Variants in CATSPERD observed in about 807,000 individuals in gnomAD.
CATSPERD encodes catsper channel auxiliary subunit delta.
CATSPERD carries 86 observed loss-of-function variants against 98.1 expected under a neutral mutation model. The ratio of observed to expected loss-of-function variants is 0.88; its 90% CI spans 0.74 to 1.05. The LOEUF (loss-of-function observed/expected upper bound fraction) is 1.05. CATSPERD is among the 50% of genes least tolerant of loss of function. The pLI is 0.00. For missense variants in CATSPERD, 995 were observed against 1,005.7 expected, an observed-to-expected ratio of 0.99 and a Z score of 0.14; for synonymous variants, 394 against 390.2, an observed-to-expected ratio of 1.01 and a Z score of -0.12.
chr19:5,753,044 A>G (rs2056251127), intron 12 of CATSPERD, among the ~76,000 whole-genome samples: 1 of 148,622 alleles, frequency 6.7e-6, no homozygotes. Flanking sequence ...AAAAAAAAAA[A>G]GTAGATTTTG....
Position 5,759,235 on chromosome 19 carries a change from C to T in CATSPERD, c.1427+91C>T, listed in dbSNP as rs1433340617. ...GAGAAGCAGGTCTGAGATCAGACCC[C>T]CAGCTCCAGAACAGTAAAACAAGGC... On this transcript the variant is annotated intron_variant, in intron 15 of 21. Transcript: ENST00000381624. 7 of 1,173,402 alleles carry T rather than the reference C, an allele frequency of 6.0e-6. No individual in the cohort carries two copies. In the East Asian group the frequency reaches 1.4e-4, roughly 24 times the overall value. 72.7% of individuals were successfully genotyped at this position (1,173,402 alleles called of 1,614,324 possible). A position where few individuals can be genotyped will look rare whatever the true frequency, so the allele number is the denominator to read the frequency against.
chr19:5,776,980 C>T (rs1425112284), intron 21 of CATSPERD, among the ~76,000 whole-genome samples: 6 of 152,130 alleles, frequency 3.9e-5, no homozygotes, highest in Admixed American at 1.3e-4. Flanking sequence ...AATTGGCAGA[C>T]ACTACCCAGG....
rs768213227 is a variant in CATSPERD at position 5,727,318 on chromosome 19, C to A, written c.177C>A (p.Cys59Ter). 1.4e-5 allele frequency: 23 copies of A among 1,613,160 alleles called. No homozygotes were observed. Among genetic ancestry groups the A allele is most frequent in the Non-Finnish European group, 1.9e-5 (22 of 1,179,190 alleles). The change falls in exon 3 of 22, where the codon TGC (cysteine) becomes TGA (stop). Residue 59 changes from cysteine to a stop codon, truncating the protein, a stop_gained. Coordinates refer to ENST00000381624, the MANE Select transcript of CATSPERD (RefSeq NM_152784.4). LOFTEE classifies it high-confidence loss of function. ...CAACACGCTTGATTAAACATCCTTG[C>A]GAGAAAAATATAGCACTATATCTAG... is the stretch of plus-strand genomic sequence containing the variant. ...PTTTRLIKHPCEKNIALYLGK... is the reference protein window; with the variant it reads ...PTTTRLIKHP
chr19:5,745,016 C>T (rs1415239187), intron 8 of CATSPERD, among the ~76,000 whole-genome samples: 2 of 152,188 alleles, frequency 1.3e-5, no homozygotes, highest in South Asian at 2.1e-4. Context: ...AATCTGGGCT[C>T]ACTGCAACCT....
At chr19:5,763,120 A>G in intron 15 of CATSPERD, 95 bp from the exon 16 acceptor site, 1 of 877,580 alleles carries the variant, frequency 1.1e-6, no homozygotes, top group Admixed American at 1.9e-5. Flanking sequence ...GGATGGATGC[A>G]CGGATGACTG....
chr19:5,745,711 A>C (rs1409127057), intron 8 of CATSPERD, among the ~76,000 whole-genome samples: 1 of 152,220 alleles, frequency 6.6e-6, no homozygotes, highest in Non-Finnish European at 1.5e-5. Flanking sequence ...CTAAATTTTC[A>C]ATGGTTAAAC....
Position 5,737,154 on chromosome 19 carries a change from T to TA in CATSPERD, c.409dup (p.Thr137AsnfsTer6). 1 of 1,607,646 alleles carries TA rather than the reference T, an allele frequency of 6.2e-7. No individual in the cohort carries two copies. Among genetic ancestry groups the TA allele is most frequent in the Non-Finnish European group, 8.5e-7 (1 of 1,174,214 alleles). ...TCCTTTCAGGTATAAAACACCCTGTTACACATGTCTCTGGTGATAATTGTT... is the reference window on the plus strand; with the variant it reads ...TCCTTTCAGGTATAAAACACCCTGTTAACACATGTCTCTGGTGATAATTGTT... On this transcript the variant is annotated frameshift_variant, in exon 6 of 22. Transcript: ENST00000381624. LOFTEE classifies it high-confidence loss of function.
In CATSPERD at chr19:5,732,875, G is replaced by C. The variant is rs2055755426; in HGVS notation, c.277-981G>C. 2.0e-5 allele frequency among the ~76,000 whole-genome samples: 3 copies of C among 151,834 alleles called. No individual in the cohort carries two copies. In the South Asian group the frequency reaches 6.2e-4, roughly 32 times the overall value. On this transcript the variant is annotated intron_variant, in intron 4 of 21. Transcript: ENST00000381624. ...GTATTTTTAGTAGAGATGGGGTTTT[G>C]TTATGTTGGCCAGCTGGTATTGAAC...
At chr19:5,761,756 G>A (rs1256989982) in intron 15 of CATSPERD, among the ~76,000 whole-genome samples, 1 of 150,828 alleles carries the variant, frequency 6.6e-6, no homozygotes, top group African/African-American at 2.4e-5. Flanking sequence ...AAGCTGGAGT[G>A]CAATGGCACG....
chr19:5,727,188 C>T, intron 2 of CATSPERD, 80 bp from the exon 3 acceptor site: 1 of 1,115,628 alleles, frequency 9.0e-7, no homozygotes, highest in Non-Finnish European at 1.3e-6. Flanking sequence ...GAGCGAGACT[C>T]TTGTCTCAAA....
At chr19:5,727,483 CAG>C (rs756765868) in intron 3 of CATSPERD, 139 bp downstream of exon 3, 11 of 648,406 alleles carry the variant, frequency 1.7e-5, no homozygotes, top group African/African-American at 5.5e-5. Flanking sequence ...AGTCCATAGT[CAG>C]GGGCTGGAAT....
intron 16 of CATSPERD, among the ~76,000 whole-genome samples, chr19:5,764,706 T>C (rs1436810022): frequency 2.0e-5 from 3 of 151,676 alleles, no homozygotes; most frequent in Non-Finnish European, 2.9e-5. Flanking sequence ...AACCTCCACC[T>C]CCTGGGTTCA....
In CATSPERD at chr19:5,727,314, C is replaced by T; in HGVS notation, c.173C>T (p.Pro58Leu). The change falls in exon 3 of 22, where the codon CCT becomes CTT. Residue 58 changes from proline to leucine, a missense_variant. Physicochemically the swap from Pro to Leu is moderately conservative, Grantham distance 98. This residue lies in a region of CATSPERD where 228 missense variants were observed against 209.6 expected (regional missense o/e 1.09). Coordinates refer to ENST00000381624, the MANE Select transcript of CATSPERD (RefSeq NM_152784.4). ...ACAACAACACGCTTGATTAAACATC[C>T]TTGCGAGAAAAATATAGCACTATAT... ...HPTTTRLIKH[P>L]CEKNIALYLG... The T allele has an allele frequency of 6.2e-7, 1 of 1,613,594 alleles. No homozygotes were observed. The highest frequency in any genetic ancestry group is 8.5e-7 in the Non-Finnish European group (1 of 1,179,564).
chr19:5,748,052 T>C, intron 9 of CATSPERD, 108 bp from the exon 10 acceptor site: 6 of 800,578 alleles, frequency 7.5e-6, no homozygotes, highest in Non-Finnish European at 1.3e-5. Context: ...AAAGAGCCAC[T>C]GGCCGGGTGG....
chr19:5,751,197 C>CAAAAAAAAAAAAAAAA (rs556079596), intron 11 of CATSPERD, among the ~76,000 whole-genome samples: 2 of 46,600 alleles, frequency 4.3e-5, no homozygotes, highest in Non-Finnish European at 7.7e-5. Context: ...GATTCCGTCT[C>CAAAAAAAAAAAAAAAA]AAAAAAAAAA....
intron 9 of CATSPERD, among the ~76,000 whole-genome samples, chr19:5,747,169 CTTTTTTTTTTT>C (rs748726369): frequency 9.5e-6 from 1 of 105,774 alleles, no homozygotes; most frequent in African/African-American, 3.8e-5. Context: ...AATGGTTTCC[CTTTTTTTTTTT>C]TTTTTTTTTT....
At chr19:5,728,386 G>T (rs1450318652) in intron 3 of CATSPERD, among the ~76,000 whole-genome samples, 3 of 143,696 alleles carry the variant, frequency 2.1e-5, no homozygotes, top group African/African-American at 5.2e-5. Flanking sequence ...AAAAAGAAAA[G>T]AAAAGAAAGA....
chr19:5,774,265 C>T (rs978609680), intron 20 of CATSPERD, among the ~76,000 whole-genome samples: 2 of 151,938 alleles, frequency 1.3e-5, no homozygotes, highest in African/African-American at 4.8e-5. Context: ...TGCGCCCGGT[C>T]GGCTCTGTTG....
intron 19 of CATSPERD, 37 bp from the exon 20 acceptor site, chr19:5,772,751 G>C: frequency 6.3e-7 from 1 of 1,592,606 alleles, no homozygotes; most frequent in South Asian, 1.1e-5. Flanking sequence ...GGTTGTCCCT[G>C]CTCCCTGCAC....
Sources: allele counts gnomAD v4.1 joint callset (sites outside exome capture counted in the v4.1 genomes callset), GRCh38; gene constraint gnomAD v4.1.1; regional missense constraint gnomAD v4.1.1; transcripts MANE v1.5; gene names NCBI Gene and HGNC (gene_info 2026-07-23, HGNC 2026-07-21).